The following SPRED1 variants were observed in gnomAD, a reference collection of about 807,000 sequenced individuals.
SPRED1 encodes the protein sprouty-related, EVH1 domain-containing protein 1.
SPRED1 carries 18 observed loss-of-function variants against 52.3 expected under a neutral mutation model. That is an observed-to-expected ratio of 0.34 (90% CI 0.24 to 0.51). SPRED1 has a LOEUF of 0.51. SPRED1 is among the 20% of genes least tolerant of loss of function. SPRED1 has a pLI of 0.97. For synonymous variants in SPRED1, 155 were observed against 179.7 expected (o/e 0.86, Z 1.10); for missense variants, 485 against 551.0 (o/e 0.88, Z 1.20).
At chr15:38,294,679 G>A (rs16966667) in intron 1 of SPRED1, among the ~76,000 whole-genome samples, 31,066 of 151,964 alleles carry the variant, frequency 0.2, 3,695 homozygotes, top group South Asian at 0.27. Context: ...AAGAACAGTC[G>A]ACCAAAACAA....
chr15:38,340,248 G>T (rs1896002135), intron 5 of SPRED1, among the ~76,000 whole-genome samples: 1 of 152,030 alleles, frequency 6.6e-6, no homozygotes, highest in South Asian at 2.1e-4. Context: ...GAATAACCTT[G>T]TGTTCCTACA....
In SPRED1 at chr15:38,356,501, A is replaced by T. The variant is rs527516741; in HGVS notation, c.*4837A>T. 6.6e-6 allele frequency: 1 copy of T among 152,252 alleles called. No individual in the cohort carries two copies. The highest frequency in any genetic ancestry group is 2.4e-5 in the African/African-American group (1 of 41,572). The allele number at this position is 152,252 out of a possible 1,614,324, so 9.4% of individuals were successfully genotyped here. A position where few individuals can be genotyped will look rare whatever the true frequency, so the allele number is the denominator to read the frequency against. ...CCTAGAGCTTATCAAATTATCACATAAGAGATAATTACTGGAGGAGAAAGT... is the reference window on the plus strand; with the variant it reads ...CCTAGAGCTTATCAAATTATCACATTAGAGATAATTACTGGAGGAGAAAGT... On this transcript the variant is annotated 3_prime_UTR_variant, in exon 7 of 7. Transcript: ENST00000299084.
At chr15:38,324,702 A>G (rs1895674768) in intron 3 of SPRED1, 61 bp from the exon 4 acceptor site, 2 of 1,287,892 alleles carry the variant, frequency 1.6e-6, no homozygotes, top group Non-Finnish European at 2.2e-6. Flanking sequence ...TCAATTAGTC[A>G]TTAATACTGG....
intron 1 of SPRED1, among the ~76,000 whole-genome samples, chr15:38,287,375 CTG>C (rs1355180245): frequency 3.9e-5 from 6 of 152,102 alleles, no homozygotes; most frequent in African/African-American, 7.2e-5. Flanking sequence ...ATCTGCAAAA[CTG>C]TGATTTTTCT....
intron 1 of SPRED1, among the ~76,000 whole-genome samples, chr15:38,284,690 G>T (rs982122188): frequency 6.6e-6 from 1 of 151,214 alleles, no homozygotes; most frequent in African/African-American, 2.4e-5. Context: ...TTTTTTTTCC[G>T]ATGGATAGAC....
At chr15:38,298,463 A>C (rs1204587271) in intron 1 of SPRED1, 6 of 278,782 alleles carry the variant, frequency 2.2e-5, no homozygotes, top group East Asian at 1.5e-4. Flanking sequence ...TGTCCATGTA[A>C]GAAAGAATAA....
chr15:38,273,259 T>C (rs1894476859), intron 1 of SPRED1, among the ~76,000 whole-genome samples: 1 of 152,164 alleles, frequency 6.6e-6, no homozygotes, highest in African/African-American at 2.4e-5. Flanking sequence ...CCCCTACCTT[T>C]CACCATGTGT....
At chr15:38,269,928 G>C (rs1469337131) in intron 1 of SPRED1, among the ~76,000 whole-genome samples, 1 of 100,182 alleles carries the variant, frequency 1.0e-5, no homozygotes, top group African/African-American at 3.9e-5. Context: ...TTTTTTTTGA[G>C]ACAGAGTCTT....
chr15:38,283,137 G>A (rs2037520), intron 1 of SPRED1, among the ~76,000 whole-genome samples: 125,255 of 151,822 alleles, frequency 0.83, 52,424 homozygotes, highest in Non-Finnish European at 0.9. Flanking sequence ...GAGGCCACGG[G>A]AAACTTACAG....
chr15:38,277,573 A>G (rs759495866), intron 1 of SPRED1, among the ~76,000 whole-genome samples: 1 of 152,198 alleles, frequency 6.6e-6, no homozygotes, highest in African/African-American at 2.4e-5. Flanking sequence ...TAATGCTGTG[A>G]TGAACATACA....
intron 1 of SPRED1, among the ~76,000 whole-genome samples, chr15:38,287,359 C>T (rs1323216042): frequency 6.6e-6 from 1 of 152,136 alleles, no homozygotes; most frequent in Non-Finnish European, 1.5e-5. Flanking sequence ...ACTATCTTTT[C>T]ATTCAATCTG....
chr15:38,301,324 C>CT (rs1400632393), intron 2 of SPRED1, among the ~76,000 whole-genome samples: 2 of 152,122 alleles, frequency 1.3e-5, no homozygotes, highest in African/African-American at 2.4e-5. Context: ...AGCACTTACC[C>CT]TAGTCCTAGG....
Position 38,342,085 on chromosome 15 carries a change from A to G in SPRED1, c.582+2190A>G, listed in dbSNP as rs535343762. Among the ~76,000 whole-genome samples, 140 of 94,396 alleles carry G rather than the reference A, an allele frequency of 1.5e-3. 2 individuals carry two copies. The highest frequency in any genetic ancestry group is 2.8e-3 in the Admixed American group (25 of 8,950). 61.9% of individuals were successfully genotyped at this position (94,396 alleles called of 152,430 possible). ...GTCTTTTAATTGGAGTATTTTGTTC[A>G]TTTACTTTTAGCACAATTATTGATA... On this transcript the variant is annotated intron_variant, in intron 5 of 6. Transcript: ENST00000299084.
At chr15:38,320,155 T>G (rs1269674908) in intron 2 of SPRED1, among the ~76,000 whole-genome samples, 1 of 152,224 alleles carries the variant, frequency 6.6e-6, no homozygotes, top group Non-Finnish European at 1.5e-5. Context: ...TTCTAGCTTT[T>G]AACAATGGCT....
In SPRED1 at chr15:38,351,890, A is replaced by G. The variant is rs377201217; in HGVS notation, c.*226A>G. The stretch of plus-strand genomic sequence containing the variant: ...GGTTGTAGAGTATTTGCAGAAGGAA[A>G]CCATTTCTGGTTATTTGGCTATAAA... On this transcript the variant is annotated 3_prime_UTR_variant, in exon 7 of 7. Coordinates refer to ENST00000299084, the MANE Select transcript of SPRED1 (RefSeq NM_152594.3). The G allele has an allele frequency of 5.0e-6, 3 of 599,362 alleles. No individual in the cohort carries two copies. The highest frequency in any genetic ancestry group is 2.8e-5 in the East Asian group (1 of 35,438). The allele number at this position is 599,362 out of a possible 1,614,324, so 37.1% of individuals were successfully genotyped here. A position where few individuals can be genotyped will look rare whatever the true frequency, so the allele number is the denominator to read the frequency against.
chr15:38,325,954 A>G (rs11856659), intron 4 of SPRED1: 125,309 of 152,120 alleles, frequency 0.82, 52,414 homozygotes, highest in Non-Finnish European at 0.9. Flanking sequence ...GCAGATTCTG[A>G]AGACCTGAAA....
intron 5 of SPRED1, among the ~76,000 whole-genome samples, chr15:38,341,377 G>T: frequency 6.6e-6 from 1 of 151,224 alleles, no homozygotes. Context: ...AGATTCTTGT[G>T]AAAGCATAGT....
intron 1 of SPRED1, among the ~76,000 whole-genome samples, chr15:38,295,834 C>T (rs1895024817): frequency 6.6e-6 from 1 of 152,004 alleles, no homozygotes; most frequent in Admixed American, 6.6e-5. Flanking sequence ...ATACATGTGT[C>T]AGCCAATGAG....
chr15:38,311,256 T>C (rs1662127925), intron 2 of SPRED1, among the ~76,000 whole-genome samples: 1 of 152,182 alleles, frequency 6.6e-6, no homozygotes, highest in South Asian at 2.1e-4. Flanking sequence ...ACCAGCCCTG[T>C]TTCTGCAATA....
Sources: gnomAD v4.1 joint callset for allele counts (sites outside exome capture counted in the v4.1 genomes callset) on GRCh38, gnomAD v4.1.1 for gene constraint, MANE v1.5 for transcripts, NCBI Gene and HGNC (gene_info 2026-07-23, HGNC 2026-07-21) for gene names.